The following FGD2 variants were observed in gnomAD, a reference collection of about 807,000 sequenced individuals.
FGD2 encodes FYVE, RhoGEF and PH domain containing 2.
Under a neutral mutation model 75.9 loss-of-function variants are expected in FGD2, and 52 were observed. The observed-to-expected ratio is 0.69, with a 90% CI of 0.55 to 0.86. The LOEUF (loss-of-function observed/expected upper bound fraction) is 0.86, where lower values mean the gene tolerates loss of function less well. Ranked by LOEUF, FGD2 falls within the 40% of genes least tolerant of loss-of-function variation. FGD2 has a pLI of 0.00. For missense variants in FGD2, 790 were observed against 872.0 expected, an observed-to-expected ratio of 0.91 and a Z score of 1.18; for synonymous variants, 347 against 348.6, an observed-to-expected ratio of 1.00 and a Z score of 0.05.
chr6:37,007,711 G>T (rs1359109849), intron 1 of FGD2, among the ~76,000 whole-genome samples: 1 of 152,202 alleles, frequency 6.6e-6, no homozygotes, highest in Non-Finnish European at 1.5e-5. Context: ...AGCTGGCCAG[G>T]GGCCCTAGAA....
chr6:37,012,987 T>TGC (rs397791984), intron 4 of FGD2: 2 of 148,222 alleles, frequency 1.3e-5, no homozygotes, highest in Non-Finnish European at 3.0e-5. Context: ...TGTGTGTGTG[T>TGC]ATACATATAT....
chr6:37,017,487 A>G (rs1289828780), intron 9 of FGD2, among the ~76,000 whole-genome samples: 1 of 152,226 alleles, frequency 6.6e-6, no homozygotes, highest in East Asian at 1.9e-4. Context: ...TTCTGCGTCT[A>G]ACCACCACGC....
intron 14 of FGD2, among the ~76,000 whole-genome samples, chr6:37,026,681 G>A (rs559771739): frequency 1.3e-5 from 2 of 152,256 alleles, no homozygotes; most frequent in Admixed American, 1.3e-4. Flanking sequence ...GCCTGTGCCA[G>A]CTGAGATTCA....
At chr6:37,014,727 G>C in intron 7 of FGD2, 23 bp downstream of exon 7, 1 of 1,613,794 alleles carries the variant, frequency 6.2e-7, no homozygotes, top group South Asian at 1.1e-5. Flanking sequence ...CCCTCTCCTG[G>C]AGCCCTGTCC....
chr6:37,021,711 C>A, intron 12 of FGD2, 107 bp downstream of exon 12: 2 of 1,015,400 alleles, frequency 2.0e-6, no homozygotes, highest in Non-Finnish European at 2.9e-6. Context: ...GTGTCATCTG[C>A]CAGGAGAGAC....
Position 37,013,574 on chromosome 6 carries a change from C to T in FGD2, c.528-35C>T, listed in dbSNP as rs775451269. 18 of 1,603,272 alleles carry T rather than the reference C, an allele frequency of 1.1e-5. No homozygotes were observed. The East Asian group carries it at 3.8e-4, about 34-fold the overall frequency. ...CCTATCTAGAGTCGAGAGGAGGTCT[C>T]TAGGCTGAGGGCAATCCCTGTGCCC... On this transcript the variant is annotated intron_variant, in intron 4 of 15. Transcript: ENST00000274963.
rs148473105 is a variant in FGD2 at position 37,027,505 on chromosome 6, G to A, written c.1682G>A (p.Ser561Asn). ...CTCATCGGGGACAAGTGGGGCAAGA[G>A]CGGCCCCCGGGGCTGGTGTGTGATC... ...LQLIGDKWGK[S>N]GPRGWCVIPR... The change falls in exon 15 of 16, where the codon AGC becomes AAC. Residue 561 changes from serine (S) to asparagine (N), a missense_variant. Physicochemically the swap from Ser to Asn is conservative, Grantham distance 46 (BLOSUM62 1). Coordinates refer to ENST00000274963, the MANE Select transcript of FGD2 (RefSeq NM_173558.4). 10,002 of 1,614,124 alleles carry A rather than the reference G, an allele frequency of 6.2e-3. 55 individuals carry two copies. The highest frequency in any genetic ancestry group is 7.8e-3 in the Non-Finnish European group (9,247 of 1,179,974).
intron 1 of FGD2, among the ~76,000 whole-genome samples, chr6:37,008,561 G>C (rs1352466730): frequency 6.6e-6 from 1 of 152,182 alleles, no homozygotes; most frequent in African/African-American, 2.4e-5. Flanking sequence ...AGGATTCCTG[G>C]ACACTGTGGC....
intron 1 of FGD2, among the ~76,000 whole-genome samples, chr6:37,006,551 G>C (rs193014222): frequency 6.6e-6 from 1 of 152,282 alleles, no homozygotes; most frequent in Non-Finnish European, 1.5e-5. Context: ...CTGTCTGGAG[G>C]GAAAAGGCTG....
rs1232193243 is a variant in FGD2, at chr6:37,023,967, C to G, written c.1458+1597C>G. 3 of 152,208 alleles carry G rather than the reference C, an allele frequency of 2.0e-5. No individual in the cohort carries two copies. In the East Asian group the frequency reaches 5.8e-4, roughly 29 times the overall value. 9.4% of individuals were successfully genotyped at this position (152,208 alleles called of 1,614,324 possible). On this transcript the variant is annotated intron_variant, in intron 13 of 15. Coordinates refer to ENST00000274963, the MANE Select transcript of FGD2 (RefSeq NM_173558.4). Reference sequence around the variant, plus strand: ...TAAATGTATGATCCTTGCTTGGATTCTTTCTGGGGTAAAATAAAGCTATCA... The same window carrying G: ...TAAATGTATGATCCTTGCTTGGATTGTTTCTGGGGTAAAATAAAGCTATCA...
intron 14 of FGD2, among the ~76,000 whole-genome samples, chr6:37,026,547 T>C (rs986104351): frequency 6.6e-6 from 1 of 152,156 alleles, no homozygotes; most frequent in Admixed American, 6.5e-5. Context: ...GGTACAACTG[T>C]GCTCAGCTAG....
chr6:37,027,414 T>A lies in FGD2; in HGVS notation c.1606-15T>A, dbSNP rs753342773. 7.5e-6 allele frequency: 12 copies of A among 1,596,736 alleles called. 1 individual carries two copies. In the South Asian group the frequency reaches 1.3e-4, roughly 18 times the overall value. ...GGCTGCTCTGCTCCCTGACAGTCCC[T>A]CCTTCTGGTTTTAGAAAGGGTCCTC... On this transcript the variant is annotated splice_polypyrimidine_tract_variant and intron_variant, in intron 14 of 15. Transcript: ENST00000274963.
At chr6:37,006,008 C>T (rs1458070241) in intron 1 of FGD2, 123 bp downstream of exon 1, 1 of 1,097,010 alleles carries the variant, frequency 9.1e-7, no homozygotes, top group Non-Finnish European at 1.3e-6. Flanking sequence ...CCCCGCGTTC[C>T]TCGGTCACGG....
chr6:37,015,521 G>A (rs1765241625), intron 8 of FGD2, among the ~76,000 whole-genome samples: 1 of 152,166 alleles, frequency 6.6e-6, no homozygotes, highest in Non-Finnish European at 1.5e-5. Flanking sequence ...AGGTTTCTGA[G>A]GTCTGCTATG....
At position 37,015,055 on chromosome 6, in the gene FGD2, A is replaced by G. The variant is rs372797325; in HGVS notation, c.1029+17A>G. On this transcript the variant is annotated intron_variant, in intron 8 of 15. Transcript: ENST00000274963. ...CTTTTCTTGGTAAGAGGGTGCTGGG[A>G]GCTCCTCTCCACACTGGGGAGGGAA... 9 of 1,608,598 alleles carry G rather than the reference A, an allele frequency of 5.6e-6. No homozygotes were observed. The highest frequency in any genetic ancestry group is 7.6e-6 in the Non-Finnish European group (9 of 1,177,412).
chr6:37,016,213 G>C (rs573355927), intron 9 of FGD2, among the ~76,000 whole-genome samples: 4 of 152,304 alleles, frequency 2.6e-5, no homozygotes, highest in African/African-American at 9.6e-5. Flanking sequence ...GTCTGGGTGG[G>C]GGGGTGCCTG....
rs565118554 is a variant in FGD2 at position 37,009,159 on chromosome 6, G to A, written c.300+94G>A. ...CATGCTTTCCTAGCCAGAGCCAGCA[G>A]TTCCCCAGGTGGGGGTATGGTGTGA... On this transcript the variant is annotated intron_variant, in intron 2 of 15. Coordinates refer to ENST00000274963, the MANE Select transcript of FGD2 (RefSeq NM_173558.4). 1.3e-4 allele frequency: 158 copies of A among 1,233,946 alleles called. No individual in the cohort carries two copies. The East Asian group carries it at 1.4e-3, about 11-fold the overall frequency. 76.4% of individuals were successfully genotyped at this position (1,233,946 alleles called of 1,614,324 possible).
chr6:37,011,762 T>A lies in FGD2; in HGVS notation c.435T>A (p.Asp145Glu), dbSNP rs1306651900. Residue 145 changes from aspartate (D) to glutamate (E), a missense_variant, in exon 4 of 16, where the codon GAT becomes GAA. Transcript: ENST00000274963. Reference protein sequence around the residue: ...TARSSKAFPEDVVRVIFSNIS... With the variant: ...TARSSKAFPEEVVRVIFSNIS... ...GCAGCAGCAAGGCCTTCCCAGAGGA[T>A]GTGGTCAGGGTCATCTTCTCCAACA... 3.1e-6 allele frequency: 5 copies of A among 1,614,084 alleles called. No individual in the cohort carries two copies. Among genetic ancestry groups the A allele is most frequent in the East Asian group, 2.2e-5 (1 of 44,870 alleles).
rs777069436 is a variant in FGD2, at chr6:37,014,074, A to T, written c.797A>T (p.Gln266Leu). 2 of 1,614,084 alleles carry T rather than the reference A, an allele frequency of 1.2e-6. No individual in the cohort carries two copies. Among genetic ancestry groups the T allele is most frequent in the South Asian group, 2.2e-5 (2 of 91,080 alleles). Residue 266 changes from glutamine (Q) to leucine (L), a missense_variant, in exon 6 of 16, where the codon CAG becomes CTG. Physicochemically the swap from Gln to Leu is moderately radical, Grantham distance 113 (BLOSUM62 -2). Coordinates refer to ENST00000274963, the MANE Select transcript of FGD2 (RefSeq NM_173558.4). ...LKEYIQKLPA[Q>L]APDQADAQKA... ...GAGTACATCCAGAAGCTGCCAGCCC[A>T]GGCCCCAGACCAGGCCGATGCCCAG...
Sources: allele counts gnomAD v4.1 joint callset (sites outside exome capture counted in the v4.1 genomes callset), GRCh38; gene constraint gnomAD v4.1.1; transcripts MANE v1.5; gene names NCBI Gene and HGNC (gene_info 2026-07-23, HGNC 2026-07-21).